The following ZBP1 variants were observed in gnomAD, a reference collection of about 807,000 sequenced individuals.
The protein encoded by ZBP1 is Z-DNA binding protein 1.
In ZBP1, 42 loss-of-function variants were observed where a neutral mutation model predicts 41.1. The ratio of observed to expected loss-of-function variants is 1.02; its 90% CI spans 0.80 to 1.32. The LOEUF (loss-of-function observed/expected upper bound fraction) is 1.32, where lower values mean the gene tolerates loss of function less well. ZBP1 is among the 40% of genes most tolerant of loss of function. The pLI is 0.00. For missense variants in ZBP1, 562 were observed against 549.7 expected (o/e 1.02, Z -0.22); for synonymous variants, 214 against 205.2 (o/e 1.04, Z -0.37).
intron 2 of ZBP1, 93 bp from the exon 3 acceptor site, chr20:57,615,673 G>T: frequency 9.3e-7 from 1 of 1,077,878 alleles, no homozygotes; most frequent in Non-Finnish European, 1.3e-6. Flanking sequence ...AGGGGTAAGT[G>T]GCAATGCCGG....
At chr20:57,617,130 C>CTAGGA (rs1202894883) in intron 1 of ZBP1, 14 of 153,978 alleles carry the variant, frequency 9.1e-5, no homozygotes, top group African/African-American at 3.4e-4. Context: ...ATAGGCTCCC[C>CTAGGA]GTTGGCCCGC....
At position 57,615,616 on chromosome 20, in the gene ZBP1, C is replaced by A. The variant is rs747450758; in HGVS notation, c.260-36G>T. 2.5e-6 allele frequency: 4 copies of A among 1,587,824 alleles called. No homozygotes were observed. In the East Asian group the frequency reaches 9.0e-5, roughly 36 times the overall value. On this transcript the variant is annotated intron_variant, in intron 2 of 7. Transcript: ENST00000371173. ...AAAGATGGGTCAGAGGGGTGGGGGA[C>A]AGAAGACAGCACCAGGCCTCCACCC...
Position 57,613,986 on chromosome 20 carries a change from A to C in ZBP1, c.503-656T>G, listed in dbSNP as rs934256314. ...CCCTTCCCCCATACACAAATATTTA[A>C]ATTACATTGTATAGCAAGGATAACC... On this transcript the variant is annotated intron_variant, in intron 4 of 7. Coordinates refer to ENST00000371173, the MANE Select transcript of ZBP1 (RefSeq NM_030776.3). This position sits in a 1 kb window ranked among gnomAD's most constrained non-coding sequence, Gnocchi z 4.5. Among the ~76,000 whole-genome samples the C allele has an allele frequency of 6.6e-6, 1 of 152,136 alleles. No homozygotes were observed. Among genetic ancestry groups the C allele is most frequent in the African/African-American group, 2.4e-5 (1 of 41,426 alleles).
At position 57,604,589 on chromosome 20, in the gene ZBP1, C is replaced by T. The variant is rs750113106; in HGVS notation, c.1274G>A (p.Trp425Ter). Reference protein sequence around the residue: ...VDEASHEGSWWGGGI With the variant: ...VDEASHEGSW The stretch of plus-strand genomic sequence containing the variant: ...GGCTGTGCACTAAATCCCACCTCCC[C>T]ACCAGCTCCCCTCGTGTGAGGCTTC... Residue 425 changes from tryptophan (W) to a stop codon, truncating the protein, a stop_gained, in exon 8 of 8, where the codon TGG (tryptophan) becomes TAG (stop). Transcript: ENST00000371173. LOFTEE classifies it high-confidence loss of function. 43 of 1,613,692 alleles carry T rather than the reference C, an allele frequency of 2.7e-5. No homozygotes were observed. The highest frequency in any genetic ancestry group is 3.3e-5 in the Non-Finnish European group (39 of 1,179,784).
intron 5 of ZBP1, chr20:57,612,888 A>G: frequency 7.5e-7 from 1 of 1,329,166 alleles, no homozygotes; most frequent in African/African-American, 1.5e-5. Flanking sequence ...GAGATACCCC[A>G]TCTTAATTTT....
chr20:57,611,689 G>T lies in ZBP1; in HGVS notation c.874+38C>A, dbSNP rs1325460432. ...AGTTCCTTCCAGTGAGGACCCACGG[G>T]GTGGCAGAGTTGGGTCTGGCCTCTA... On this transcript the variant is annotated intron_variant, in intron 6 of 7. Transcript: ENST00000371173. The T allele has an allele frequency of 1.9e-6, 3 of 1,578,846 alleles. No individual in the cohort carries two copies. The Admixed American group carries it at 5.4e-5, about 28-fold the overall frequency.
At chr20:57,611,256 A>G (rs905243532) in intron 6 of ZBP1, among the ~76,000 whole-genome samples, 1 of 151,698 alleles carries the variant, frequency 6.6e-6, no homozygotes, top group Non-Finnish European at 1.5e-5. Flanking sequence ...TTATTCATTT[A>G]TTTATTGAGA....
intron 7 of ZBP1, among the ~76,000 whole-genome samples, chr20:57,605,817 A>G (rs1456472552): frequency 2.0e-5 from 3 of 152,122 alleles, no homozygotes; most frequent in Non-Finnish European, 4.4e-5. Context: ...GTCTGTAATC[A>G]CAGCGACCCA....
intron 7 of ZBP1, among the ~76,000 whole-genome samples, chr20:57,608,311 A>C (rs1460919256): frequency 6.6e-6 from 1 of 152,156 alleles, no homozygotes; most frequent in Non-Finnish European, 1.5e-5. Context: ...TTTAGTAGAG[A>C]GAGGGTTTCA....
intron 5 of ZBP1, among the ~76,000 whole-genome samples, chr20:57,612,291 GACA>G (rs1336482116): frequency 6.6e-6 from 1 of 152,154 alleles, no homozygotes; most frequent in African/African-American, 2.4e-5. Flanking sequence ...AACTGCCAGG[GACA>G]ACATTTATTT....
At chr20:57,612,892 T>C in intron 5 of ZBP1, 2 of 1,333,256 alleles carry the variant, frequency 1.5e-6, no homozygotes, top group East Asian at 5.7e-5. Flanking sequence ...TACCCCATCT[T>C]AATTTTAAAA....
chr20:57,614,160 G>A (rs551350771), intron 4 of ZBP1, among the ~76,000 whole-genome samples: 21 of 151,870 alleles, frequency 1.4e-4, no homozygotes, highest in African/African-American at 4.8e-4. Flanking sequence ...TCAGCCTCCC[G>A]AGTAGCTGGG....
chr20:57,609,640 G>C (rs978870963), intron 7 of ZBP1, among the ~76,000 whole-genome samples: 1 of 152,032 alleles, frequency 6.6e-6, no homozygotes, highest in African/African-American at 2.4e-5. Context: ...CCCTCACCCG[G>C]ACATGAGACT....
chr20:57,605,985 A>G (rs113110915), intron 7 of ZBP1, among the ~76,000 whole-genome samples: 86 of 152,286 alleles, frequency 5.6e-4, no homozygotes, highest in African/African-American at 1.9e-3. Context: ...TCTATGTGCT[A>G]AAGTGAAAGG....
chr20:57,620,173 G>T, intron 1 of ZBP1, 89 bp downstream of exon 1: 1 of 1,463,530 alleles, frequency 6.8e-7, no homozygotes, highest in Non-Finnish European at 9.4e-7. Context: ...TTGTCATCAT[G>T]ATCTGGACCA....
At chr20:57,607,774 G>A (rs921989509) in intron 7 of ZBP1, among the ~76,000 whole-genome samples, 3 of 152,232 alleles carry the variant, frequency 2.0e-5, no homozygotes, top group Admixed American at 2.0e-4. Context: ...GCATAGAGAT[G>A]ATGACTGGCA....
At chr20:57,606,492 C>T (rs1312361828) in intron 7 of ZBP1, among the ~76,000 whole-genome samples, 1 of 152,254 alleles carries the variant, frequency 6.6e-6, no homozygotes, top group Non-Finnish European at 1.5e-5. Flanking sequence ...CGTGACTACA[C>T]AACAGAGCAG....
intron 3 of ZBP1, 38 bp downstream of exon 3, chr20:57,615,474 C>T (rs777285445): frequency 6.2e-7 from 1 of 1,606,744 alleles, no homozygotes; most frequent in Non-Finnish European, 8.5e-7. Context: ...GAGTGGGATC[C>T]TGTGTCCCGG....
In ZBP1 at chr20:57,613,554, G is replaced by A. The variant is rs971993704; in HGVS notation, c.503-224C>T. 1.2e-4 allele frequency among the ~76,000 whole-genome samples: 18 copies of A among 152,190 alleles called. No homozygotes were observed. The highest frequency in any genetic ancestry group is 4.1e-4 in the African/African-American group (17 of 41,448). ...ATAGCCACTGTGAGTCACCCTACCT[G>A]TGTCTTTTGCTGCCTCCATGGCTGG... On this transcript the variant is annotated intron_variant, in intron 4 of 7. Transcript: ENST00000371173. This position sits in a 1 kb window ranked among gnomAD's most constrained non-coding sequence, Gnocchi z 4.5.
Sources: gnomAD v4.1 joint callset for allele counts (sites outside exome capture counted in the v4.1 genomes callset) on GRCh38, gnomAD v4.1.1 for gene constraint, Gnocchi (gnomAD v3.1) non-coding constraint, MANE v1.5 for transcripts, NCBI Gene and HGNC (gene_info 2026-07-23, HGNC 2026-07-21) for gene names.